Variants in SI observed in about 807,000 individuals in gnomAD.
SI encodes sucrase-isomaltase.
In SI, 235 loss-of-function variants were observed where a neutral mutation model predicts 253.3. That is an observed-to-expected ratio of 0.93 (90% CI 0.83 to 1.03). The LOEUF is 1.03. Ranked by LOEUF, SI falls within the 50% of genes least tolerant of loss-of-function variation. The pLI is 0.00. For synonymous variants in SI, 819 were observed against 712.0 expected (o/e 1.15, Z -2.39); for missense variants, 2,442 against 2,211.1 (o/e 1.10, Z -2.09).
intron 47 of SI, among the ~76,000 whole-genome samples, chr3:164,981,796 G>T (rs753324229): frequency 6.6e-6 from 1 of 152,052 alleles, no homozygotes; most frequent in Non-Finnish European, 1.5e-5. Context: ...ATGCTTTAAC[G>T]CAAGAATCCT....
At chr3:165,024,505 A>G (rs1711798965) in intron 25 of SI, among the ~76,000 whole-genome samples, 2 of 151,314 alleles carry the variant, frequency 1.3e-5, no homozygotes, top group Admixed American at 6.6e-5. Context: ...AAAGCTCTTT[A>G]AAAGAAAGGG....
At chr3:164,989,419 A>AGAAG (rs1327193998) in intron 44 of SI, among the ~76,000 whole-genome samples, 22 of 147,640 alleles carry the variant, frequency 1.5e-4, no homozygotes, top group African/African-American at 5.0e-4. Context: ...AAAGAAAGAA[A>AGAAG]GAAAGAAAGA....
At chr3:165,038,783 C>T (rs1712669049) in intron 20 of SI, among the ~76,000 whole-genome samples, 1 of 151,846 alleles carries the variant, frequency 6.6e-6, no homozygotes, top group South Asian at 2.1e-4. Flanking sequence ...AATAAGTTGC[C>T]ACTCCTTCCT....
At chr3:165,037,577 T>C (rs1164966485) in intron 21 of SI, among the ~76,000 whole-genome samples, 1 of 151,986 alleles carries the variant, frequency 6.6e-6, no homozygotes, top group Non-Finnish European at 1.5e-5. Context: ...AACAAATACT[T>C]CACTCAATTA....
chr3:165,030,926 C>T (rs371089512), intron 24 of SI, 59 bp from the exon 25 acceptor site: 1 of 1,451,696 alleles, frequency 6.9e-7, no homozygotes, highest in South Asian at 1.4e-5. Flanking sequence ...CAAACAAAAA[C>T]ATTAAACACT....
chr3:164,980,426 T>C (rs1224842331), intron 47 of SI, among the ~76,000 whole-genome samples: 2 of 151,962 alleles, frequency 1.3e-5, no homozygotes, highest in Admixed American at 6.6e-5. Context: ...AAAAATGCTT[T>C]TGAAATTATA....
chr3:165,039,078 A>G lies in SI; in HGVS notation c.2301T>C (p.Ser767=). The change falls in exon 20 of 48, where the codon TCT becomes TCC. Residue 767 remains serine (S), a splice_region_variant and synonymous_variant. Coordinates refer to ENST00000264382, the MANE Select transcript of SI (RefSeq NM_001041.4). ...CCATTAGTATGTTAAGGTTACTTAC[A>G]GATTCATAATCATACCAAATAGCAT... ...IPDAIWYDYE[S]GAKRPWRKQR... is the part of the protein sequence containing the mutation. 6.3e-7 allele frequency: 1 copy of G among 1,577,612 alleles called. No individual in the cohort carries two copies. The highest frequency in any genetic ancestry group is 8.7e-7 in the Non-Finnish European group (1 of 1,148,758).
At chr3:165,089,564 A>G in the SI span, among the ~76,000 whole-genome samples, 2 of 152,238 alleles carry the variant, frequency 1.3e-5, no homozygotes, top group Non-Finnish European at 2.9e-5. Context: ...GCCCTGGGAG[A>G]TGAGGTTAGC....
At chr3:165,046,739 T>A (rs555199292) in intron 16 of SI, 102 bp downstream of exon 16, 2 of 962,742 alleles carry the variant, frequency 2.1e-6, no homozygotes, top group East Asian at 5.3e-5. Context: ...GAATTATTTC[T>A]GTAACATGCC....
intron 13 of SI, 57 bp downstream of exon 13, chr3:165,055,137 C>G: frequency 1.0e-6 from 1 of 978,436 alleles, no homozygotes; most frequent in Non-Finnish European, 1.6e-6. Context: ...GTAATTTTTA[C>G]AGATAAATAA....
At chr3:164,986,744 CT>C (rs1190817546) in intron 45 of SI, among the ~76,000 whole-genome samples, 2 of 152,206 alleles carry the variant, frequency 1.3e-5, no homozygotes, top group Non-Finnish European at 2.9e-5. Flanking sequence ...AGTGTCACTC[CT>C]TTTTGTCACT....
In SI at chr3:164,987,122, T is replaced by C; in HGVS notation, c.5197+16A>G. On this transcript the variant is annotated intron_variant, in intron 45 of 47. Coordinates refer to ENST00000264382, the MANE Select transcript of SI (RefSeq NM_001041.4). ...TACGACATCAATTAAATTTATCTAC[T>C]AAATCGAGCACTCACCTATACTCTC... 6.3e-7 allele frequency: 1 copy of C among 1,584,552 alleles called. No homozygotes were observed. Among genetic ancestry groups the C allele is most frequent in the Non-Finnish European group, 8.7e-7 (1 of 1,153,530 alleles).
intron 44 of SI, among the ~76,000 whole-genome samples, chr3:164,988,329 C>T (rs1717540715): frequency 6.6e-6 from 1 of 152,124 alleles, no homozygotes; most frequent in Admixed American, 6.5e-5. Context: ...ATATGAATTT[C>T]AGTTCACAGT....
intron 26 of SI, among the ~76,000 whole-genome samples, chr3:165,023,103 T>C (rs190423921): frequency 6.6e-6 from 1 of 151,696 alleles, no homozygotes; most frequent in Admixed American, 6.6e-5. Context: ...ATTTTGTTGA[T>C]ATTTTAAATT....
chr3:165,069,311 A>G (rs1410928021), intron 3 of SI, 116 bp from the exon 4 acceptor site: 17 of 727,006 alleles, frequency 2.3e-5, no homozygotes, highest in Middle Eastern at 6.9e-4. Flanking sequence ...AATGTATAAT[A>G]TGCCAAAATA....
chr3:165,086,431 C>A, the SI span, among the ~76,000 whole-genome samples: 1 of 152,154 alleles, frequency 6.6e-6, no homozygotes, highest in Non-Finnish European at 1.5e-5. Context: ...TCAAGACATG[C>A]TTTAATGAGA....
At position 164,982,309 on chromosome 3, in the gene SI, A is replaced by G; in HGVS notation, c.5349T>C (p.Asn1783=). The G allele has an allele frequency of 2.5e-6, 4 of 1,613,208 alleles. No individual in the cohort carries two copies. The highest frequency in any genetic ancestry group is 3.4e-6 in the Non-Finnish European group (4 of 1,179,504). ...TTCCGTTATACGTTAGAGTAACTGC[A>G]TTGACAGGAGTAGTTCCTTTCCCCC... ...HVWGKGTTPV[N]AVTLTYNGNK... is the part of the protein sequence containing the mutation. The change falls in exon 47 of 48, where the codon AAT becomes AAC. Residue 1783 remains asparagine (N), a synonymous_variant. Transcript: ENST00000264382.
Position 164,991,478 on chromosome 3 carries a change from C to T in SI, c.4984-1G>A, listed in dbSNP as rs1490242400. ...GTCCTCTGACGCCAATATCTTTGCC[C>T]TGGAAATGAAAGGGATGGAAAGAAC... On this transcript the variant is annotated splice_acceptor_variant, in intron 43 of 47. Transcript: ENST00000264382. LOFTEE classifies it high-confidence loss of function. 1.9e-6 allele frequency: 3 copies of T among 1,613,358 alleles called. No individual in the cohort carries two copies. In the Admixed American group the frequency reaches 5.0e-5, roughly 27 times the overall value.
chr3:164,998,670 T>C lies in SI; in HGVS notation c.4410A>G (p.Ala1470=). The C allele has an allele frequency of 6.2e-7, 1 of 1,610,290 alleles. No homozygotes were observed. The highest frequency in any genetic ancestry group is 8.5e-7 in the Non-Finnish European group (1 of 1,177,072). The change falls in exon 38 of 48, where the codon GCA becomes GCG. Residue 1470 remains alanine, a synonymous_variant. Coordinates refer to ENST00000264382, the MANE Select transcript of SI (RefSeq NM_001041.4). ...CTCTTTTTCCAGTTGTCTTCTGCAA[T>C]GCACTAATATAGTAGAGAAGTATTT... ...GWSQMKPTHD[A]LQKTTGKRGI... is the part of the protein sequence containing the mutation.
Sources: allele counts gnomAD v4.1 joint callset (sites outside exome capture counted in the v4.1 genomes callset), GRCh38; gene constraint gnomAD v4.1.1; transcripts MANE v1.5; gene names NCBI Gene and HGNC (gene_info 2026-07-23, HGNC 2026-07-21).